Variants in SLC35F3 observed in about 807,000 individuals in gnomAD.
SLC35F3 encodes putative thiamine transporter SLC35F3.
A neutral mutation model predicts 49.9 loss-of-function variants in SLC35F3; 25 were observed. The observed-to-expected ratio is 0.50, with a 90% CI of 0.37 to 0.70. The LOEUF is 0.70. SLC35F3 is among the 30% of genes least tolerant of loss of function. The pLI, the probability that SLC35F3 is intolerant of heterozygous loss-of-function variation, is 0.00. For synonymous variants in SLC35F3, 275 were observed against 265.4 expected (o/e 1.04, Z -0.35); for missense variants, 525 against 639.8 (o/e 0.82, Z 1.94).
intron 3 of SLC35F3, among the ~76,000 whole-genome samples, chr1:234,251,956 G>C (rs936157578): frequency 6.6e-6 from 1 of 151,414 alleles, no homozygotes; most frequent in African/African-American, 2.4e-5. Context: ...TGGAATTTAG[G>C]TGTAAAACCT....
chr1:234,084,609 A>C (rs1664933376), intron 2 of SLC35F3, among the ~76,000 whole-genome samples: 1 of 152,242 alleles, frequency 6.6e-6, no homozygotes, highest in Non-Finnish European at 1.5e-5. Flanking sequence ...TGTCAGGAAA[A>C]TTAGCAAAGA....
At chr1:234,100,773 A>G (rs1454976576) in intron 2 of SLC35F3, among the ~76,000 whole-genome samples, 1 of 152,216 alleles carries the variant, frequency 6.6e-6, no homozygotes, top group African/African-American at 2.4e-5. Flanking sequence ...CCATGGAGCA[A>G]AAAAATGGGT....
At chr1:234,187,878 A>C (rs771999627) in intron 2 of SLC35F3, among the ~76,000 whole-genome samples, 4 of 152,190 alleles carry the variant, frequency 2.6e-5, no homozygotes, top group Non-Finnish European at 5.9e-5. Flanking sequence ...TAACAATTAC[A>C]ACCAGAGTTT....
chr1:234,313,780 G>A (rs1322223578), intron 4 of SLC35F3, among the ~76,000 whole-genome samples: 1 of 152,152 alleles, frequency 6.6e-6, no homozygotes, highest in South Asian at 2.1e-4. Context: ...TAGAGAGTTT[G>A]TTTTAGTGCA....
intron 2 of SLC35F3, among the ~76,000 whole-genome samples, chr1:234,170,534 C>A (rs750940877): frequency 6.6e-6 from 1 of 152,032 alleles, no homozygotes; most frequent in East Asian, 1.9e-4. Context: ...CCGTTCCAAC[C>A]CAAGACAACC....
intron 2 of SLC35F3, among the ~76,000 whole-genome samples, chr1:233,979,618 G>A (rs1306764099): frequency 6.6e-6 from 1 of 152,062 alleles, no homozygotes; most frequent in East Asian, 1.9e-4. Context: ...TAAAATAGGT[G>A]GGAACTGCTT....
chr1:233,909,732 T>G (rs1004773438), intron 2 of SLC35F3, among the ~76,000 whole-genome samples: 4 of 152,250 alleles, frequency 2.6e-5, no homozygotes, highest in African/African-American at 9.6e-5. Context: ...GCAGTATCTC[T>G]GACCTCTGCC....
At chr1:234,111,353 G>T (rs555051162) in intron 2 of SLC35F3, among the ~76,000 whole-genome samples, 3 of 151,960 alleles carry the variant, frequency 2.0e-5, no homozygotes, top group Non-Finnish European at 4.4e-5. Context: ...GTGTAATGGC[G>T]CAATCTCAGC....
In SLC35F3 at chr1:234,092,141, G is replaced by C. The variant is rs911313948; in HGVS notation, c.284-139276G>C. Among the ~76,000 whole-genome samples the C allele has an allele frequency of 3.3e-5, 5 of 152,332 alleles. No individual in the cohort carries two copies. In the East Asian group the frequency reaches 7.7e-4, roughly 23 times the overall value. The stretch of plus-strand genomic sequence containing the variant: ...ACTGTGAGCTCAGAAGACACACCCA[G>C]AGGGAAGTTTCTCCTGGAGGTTTAA... On this transcript the variant is annotated intron_variant, in intron 2 of 7. Coordinates refer to ENST00000366618, the MANE Select transcript of SLC35F3 (RefSeq NM_173508.4).
At chr1:233,925,635 C>A (rs896227566) in intron 2 of SLC35F3, among the ~76,000 whole-genome samples, 5 of 152,010 alleles carry the variant, frequency 3.3e-5, no homozygotes, top group African/African-American at 1.2e-4. Context: ...CATTTACATT[C>A]AAGGTTAATA....
rs920622239 is a variant in SLC35F3, at chr1:234,259,975, G to A, written c.608+28234G>A. On this transcript the variant is annotated intron_variant, in intron 3 of 7. Coordinates refer to ENST00000366618, the MANE Select transcript of SLC35F3 (RefSeq NM_173508.4). The stretch of plus-strand genomic sequence containing the variant: ...TTTGATAGAGATTAAACTGCCCCTC[G>A]TAGTTTTCTGAGCTACTCCTGAACA... Among the ~76,000 whole-genome samples the A allele has an allele frequency of 1.2e-3, 186 of 152,102 alleles. 1 individual carries two copies. The highest frequency in any genetic ancestry group is 3.8e-3 in the African/African-American group (158 of 41,490).
intron 2 of SLC35F3, among the ~76,000 whole-genome samples, chr1:234,099,349 C>T (rs1423246111): frequency 1.3e-5 from 2 of 152,088 alleles, no homozygotes; most frequent in African/African-American, 4.8e-5. Flanking sequence ...CTGTGGCTCA[C>T]GCCTGTAATC....
chr1:234,229,897 A>G (rs1667339803), intron 2 of SLC35F3, among the ~76,000 whole-genome samples: 1 of 152,210 alleles, frequency 6.6e-6, no homozygotes, highest in South Asian at 2.1e-4. Flanking sequence ...AGGAGGGCAT[A>G]AGCGCGCAGA....
intron 2 of SLC35F3, among the ~76,000 whole-genome samples, chr1:234,176,614 G>A (rs1048765028): frequency 1.3e-5 from 2 of 152,120 alleles, no homozygotes; most frequent in Admixed American, 1.3e-4. Flanking sequence ...CATCAGAAAA[G>A]AACCCAGCCA....
At chr1:233,990,626 C>G (rs769217638) in intron 2 of SLC35F3, among the ~76,000 whole-genome samples, 1 of 152,134 alleles carries the variant, frequency 6.6e-6, no homozygotes, top group Non-Finnish European at 1.5e-5. Flanking sequence ...TCGCCATACA[C>G]ACACACACAA....
At chr1:234,068,534 C>G (rs1328801832) in intron 2 of SLC35F3, among the ~76,000 whole-genome samples, 3 of 151,764 alleles carry the variant, frequency 2.0e-5, no homozygotes, top group African/African-American at 7.3e-5. Context: ...ATGAGAGAAG[C>G]CATCATAGAA....
chr1:234,299,677 C>T (rs1052608285), intron 3 of SLC35F3, among the ~76,000 whole-genome samples: 17 of 151,594 alleles, frequency 1.1e-4, no homozygotes, highest in African/African-American at 3.2e-4. Context: ...TGGTGGCAGG[C>T]GCCTGTAGTC....
chr1:234,228,520 C>T (rs182261143), intron 2 of SLC35F3, among the ~76,000 whole-genome samples: 80 of 152,348 alleles, frequency 5.3e-4, no homozygotes, highest in African/African-American at 1.8e-3. Flanking sequence ...GCACAGGGCA[C>T]ATGTTTCACA....
At chr1:234,242,080 A>G (rs1667562720) in intron 3 of SLC35F3, among the ~76,000 whole-genome samples, 1 of 152,230 alleles carries the variant, frequency 6.6e-6, no homozygotes, top group African/African-American at 2.4e-5. Flanking sequence ...CTAATGAAAC[A>G]GGAGCCAGTG....
Sources: gnomAD v4.1 joint callset for allele counts (sites outside exome capture counted in the v4.1 genomes callset) on GRCh38, gnomAD v4.1.1 for gene constraint, MANE v1.5 for transcripts, NCBI Gene and HGNC (gene_info 2026-07-23, HGNC 2026-07-21) for gene names.